The following CTNNBIP1 variants were observed in gnomAD, a reference collection of about 807,000 sequenced individuals.
CTNNBIP1 encodes catenin beta interacting protein 1.
Under a neutral mutation model 11.8 loss-of-function variants are expected in CTNNBIP1, and 7 were observed. The observed-to-expected ratio is 0.60, with a 90% CI of 0.34 to 1.12. CTNNBIP1 has a LOEUF of 1.12. Ranked by LOEUF, CTNNBIP1 falls within the 50% of genes most tolerant of loss-of-function variation. The pLI is 0.03. For synonymous variants in CTNNBIP1, 58 were observed against 43.9 expected (o/e 1.32, Z -1.26); for missense variants, 101 against 113.4 (o/e 0.89, Z 0.50).
intron 5 of CTNNBIP1, among the ~76,000 whole-genome samples, chr1:9,870,792 C>T (rs139525364): frequency 1.3e-5 from 2 of 152,340 alleles, no homozygotes; most frequent in Non-Finnish European, 2.9e-5. Flanking sequence ...CAGCATTGTT[C>T]TAGCACACAA....
At chr1:9,900,384 G>A (rs934422276) in intron 1 of CTNNBIP1, among the ~76,000 whole-genome samples, 1 of 152,172 alleles carries the variant, frequency 6.6e-6, no homozygotes, top group African/African-American at 2.4e-5. Context: ...CTGGGCGAAT[G>A]ATGTTTTTAA....
At chr1:9,877,589 G>C (rs1638996289) in intron 3 of CTNNBIP1, among the ~76,000 whole-genome samples, 1 of 152,180 alleles carries the variant, frequency 6.6e-6, no homozygotes, top group African/African-American at 2.4e-5. Flanking sequence ...ATTTAAAAAT[G>C]TACAATTTAC....
chr1:9,850,643 C>T lies in CTNNBIP1; in HGVS notation c.*75G>A. On this transcript the variant is annotated 3_prime_UTR_variant, in exon 6 of 6. Transcript: ENST00000377263. ...GGAGGTGGGGCAAGGGGGGCTGCTG[C>T]CACTCAGCCGGCCCAGGAGCCACAC... 1 of 1,397,466 alleles carries T rather than the reference C, an allele frequency of 7.2e-7. No individual in the cohort carries two copies. Among genetic ancestry groups the T allele is most frequent in the Non-Finnish European group, 1.0e-6 (1 of 983,478 alleles). The allele number at this position is 1,397,466 out of a possible 1,614,324, so 86.6% of individuals were successfully genotyped here.
At chr1:9,905,942 A>T (rs1339686899) in intron 1 of CTNNBIP1, among the ~76,000 whole-genome samples, 1 of 152,218 alleles carries the variant, frequency 6.6e-6, no homozygotes. Context: ...ACTATATTAT[A>T]AGAGTAGACA....
At chr1:9,877,797 G>C (rs903999295) in intron 3 of CTNNBIP1, 108 bp downstream of exon 3, 1 of 152,650 alleles carries the variant, frequency 6.6e-6, no homozygotes, top group Non-Finnish European at 1.5e-5. Flanking sequence ...TAACAGATGA[G>C]CTAACTTCAT....
At chr1:9,882,308 G>A (rs1032431238) in intron 2 of CTNNBIP1, among the ~76,000 whole-genome samples, 5 of 152,198 alleles carry the variant, frequency 3.3e-5, no homozygotes, top group African/African-American at 4.8e-5. Flanking sequence ...AAAGAGCCAC[G>A]GCTCACATGT....
chr1:9,902,091 C>A (rs1639532961), intron 1 of CTNNBIP1, among the ~76,000 whole-genome samples: 1 of 152,140 alleles, frequency 6.6e-6, no homozygotes, highest in South Asian at 2.1e-4. Flanking sequence ...GAAGAAAGAA[C>A]CCTGCCCCCA....
In CTNNBIP1 at chr1:9,871,585, C is replaced by T. The variant is rs1195694231; in HGVS notation, c.97-308G>A. Among the ~76,000 whole-genome samples the T allele has an allele frequency of 2.6e-5, 4 of 152,178 alleles. No homozygotes were observed. The highest frequency in any genetic ancestry group is 9.7e-5 in the African/African-American group (4 of 41,436). ...GCTGAGGGGCGATTCCATGTCCCTC[C>T]ACTCTTTTTGAGAAATACCCCTGCA... is the stretch of plus-strand genomic sequence containing the variant. On this transcript the variant is annotated intron_variant, in intron 4 of 5. Coordinates refer to ENST00000377263, the MANE Select transcript of CTNNBIP1 (RefSeq NM_020248.3). The surrounding 1 kb of genome is among the most constrained non-coding windows in gnomAD (Gnocchi z 5.2).
At chr1:9,864,735 G>A (rs1451643739) in intron 5 of CTNNBIP1, among the ~76,000 whole-genome samples, 2 of 152,242 alleles carry the variant, frequency 1.3e-5, no homozygotes, top group Non-Finnish European at 2.9e-5. Flanking sequence ...TGTACTTGCT[G>A]GGCACCACCC....
intron 1 of CTNNBIP1, among the ~76,000 whole-genome samples, chr1:9,899,847 G>T (rs369719246): frequency 6.6e-5 from 10 of 152,272 alleles, no homozygotes; most frequent in African/African-American, 1.4e-4. Flanking sequence ...GCCGAGGTGG[G>T]TGGATCACCT....
At chr1:9,864,231 C>A (rs1391047267) in intron 5 of CTNNBIP1, among the ~76,000 whole-genome samples, 3 of 152,222 alleles carry the variant, frequency 2.0e-5, no homozygotes, top group Admixed American at 6.5e-5. Flanking sequence ...CAGGGCATGG[C>A]CCCAGGAGGC....
At chr1:9,887,487 C>G (rs1301962691) in intron 1 of CTNNBIP1, among the ~76,000 whole-genome samples, 1 of 152,106 alleles carries the variant, frequency 6.6e-6, no homozygotes. Flanking sequence ...AAGGTGGAGG[C>G]GGGCAGATCA....
At chr1:9,852,057 C>T (rs563022356) in intron 5 of CTNNBIP1, among the ~76,000 whole-genome samples, 10 of 152,162 alleles carry the variant, frequency 6.6e-5, no homozygotes, top group East Asian at 5.8e-4. Context: ...GGGGGTGGAT[C>T]GGAATAGGAG....
chr1:9,906,618 T>C (rs933016437), intron 1 of CTNNBIP1, among the ~76,000 whole-genome samples: 1 of 152,106 alleles, frequency 6.6e-6, no homozygotes, highest in African/African-American at 2.4e-5. Flanking sequence ...AAGTGACTAC[T>C]TGGTCAGCAC....
rs1030075849 is a variant in CTNNBIP1, at chr1:9,872,900, T to C, written c.-24-812A>G. 1.3e-5 allele frequency among the ~76,000 whole-genome samples: 2 copies of C among 152,154 alleles called. No homozygotes were observed. The highest frequency in any genetic ancestry group is 2.9e-5 in the Non-Finnish European group (2 of 68,010). On this transcript the variant is annotated intron_variant, in intron 3 of 5. Coordinates refer to ENST00000377263, the MANE Select transcript of CTNNBIP1 (RefSeq NM_020248.3). This position sits in a 1 kb window ranked among gnomAD's most constrained non-coding sequence, Gnocchi z 4.0. ...GCTTGGGTTACACACTGGTAACTCC[T>C]GGATGAGTCAGAAATAACGCAGCAG...
intron 5 of CTNNBIP1, among the ~76,000 whole-genome samples, chr1:9,866,572 C>T (rs1291832832): frequency 4.0e-5 from 6 of 151,408 alleles, no homozygotes. Context: ...CCCAGCTACT[C>T]GGGAGGCTGA....
chr1:9,888,399 T>C (rs188872474), intron 1 of CTNNBIP1, among the ~76,000 whole-genome samples: 112 of 151,692 alleles, frequency 7.4e-4, no homozygotes, highest in African/African-American at 2.3e-3. Context: ...CTGGCAAACA[T>C]GGTGAAACCC....
intron 1 of CTNNBIP1, among the ~76,000 whole-genome samples, chr1:9,885,621 G>A (rs1639171607): frequency 6.6e-6 from 1 of 151,406 alleles, no homozygotes; most frequent in Non-Finnish European, 1.5e-5. Context: ...TCCAGCCTAG[G>A]TGACAGGGCA....
intron 2 of CTNNBIP1, among the ~76,000 whole-genome samples, chr1:9,879,882 C>T (rs1175231373): frequency 2.0e-5 from 3 of 152,156 alleles, no homozygotes; most frequent in South Asian, 2.1e-4. Context: ...CAGGGATTCA[C>T]GGACAGCTGT....
Sources: allele counts gnomAD v4.1 joint callset (sites outside exome capture counted in the v4.1 genomes callset), GRCh38; gene constraint gnomAD v4.1.1; non-coding constraint Gnocchi (gnomAD v3.1); transcripts MANE v1.5; gene names NCBI Gene and HGNC (gene_info 2026-07-23, HGNC 2026-07-21).